RNPC3: variants seen among roughly 807,000 people sequenced by gnomAD.
RNPC3 encodes RNA-binding region-containing protein 3.
RNPC3 carries 48 observed loss-of-function variants against 67.5 expected under a neutral mutation model. The observed-to-expected ratio is 0.71, with a 90% CI of 0.56 to 0.90. The LOEUF (loss-of-function observed/expected upper bound fraction) is 0.90, where lower values mean the gene tolerates loss of function less well. Among genes scored for constraint, RNPC3 ranks in the 40% least tolerant of loss-of-function variants. RNPC3 has a pLI of 0.00. For synonymous variants in RNPC3, 239 were observed against 210.3 expected, an observed-to-expected ratio of 1.14 and a Z score of -1.18; for missense variants, 637 against 626.1, an observed-to-expected ratio of 1.02 and a Z score of -0.19.
chr1:103,543,469 C>A lies in RNPC3; in HGVS notation c.1045+22C>A, dbSNP rs1299020058. ...CATGGTAAGGATATTCTAGTTATTT[C>A]ACATGCTGAAATCAACTTATTGTGT... On this transcript the variant is annotated intron_variant, in intron 9 of 14. Transcript: ENST00000423855. 2.8e-6 allele frequency: 4 copies of A among 1,414,558 alleles called. No individual in the cohort carries two copies. The African/African-American group carries it at 5.9e-5, about 21-fold the overall frequency. The allele number at this position is 1,414,558 out of a possible 1,614,324, so 87.6% of individuals were successfully genotyped here.
intron 12 of RNPC3, among the ~76,000 whole-genome samples, chr1:103,549,936 G>A (rs78210641): frequency 0.038 from 5,742 of 152,080 alleles, 157 homozygotes; most frequent in Non-Finnish European, 0.054. Flanking sequence ...GCCGAAGCGG[G>A]GGGGATCACT....
At chr1:103,553,019 A>C (rs1651436676) in intron 14 of RNPC3, among the ~76,000 whole-genome samples, 1 of 152,176 alleles carries the variant, frequency 6.6e-6, no homozygotes, top group Admixed American at 6.5e-5. Context: ...AAGAACACGA[A>C]GTAATTGGTC....
intron 7 of RNPC3, 111 bp from the exon 8 acceptor site, chr1:103,541,239 T>G: frequency 1.3e-6 from 1 of 746,524 alleles, no homozygotes; most frequent in South Asian, 2.4e-5. Flanking sequence ...GTAAATCATT[T>G]TATAATTTAA....
chr1:103,537,244 A>T, intron 6 of RNPC3, 98 bp from the exon 7 acceptor site: 1 of 837,852 alleles, frequency 1.2e-6, no homozygotes, highest in Non-Finnish European at 1.7e-6. Context: ...AAAAAAAAAA[A>T]GACCATGTGA....
intron 6 of RNPC3, 77 bp from the exon 7 acceptor site, chr1:103,537,265 A>G: frequency 1.0e-6 from 1 of 990,746 alleles, no homozygotes; most frequent in East Asian, 2.7e-5. Flanking sequence ...TAGAAATGAG[A>G]ATGAAGTATT....
Position 103,544,928 on chromosome 1 carries a change from A to G in RNPC3, c.1046-13A>G, listed in dbSNP as rs1377761900. The G allele has an allele frequency of 2.7e-6, 4 of 1,501,438 alleles. No individual in the cohort carries two copies. The highest frequency in any genetic ancestry group is 3.6e-6 in the Non-Finnish European group (4 of 1,126,148). The allele number at this position is 1,501,438 out of a possible 1,614,324, so 93.0% of individuals were successfully genotyped here. A position where few individuals can be genotyped will look rare whatever the true frequency, so the allele number is the denominator to read the frequency against. ...GAGATTCTTAATGGTTAATGTTAAT[A>G]TTGAACTCTTAGATTTACCTGCTAC... On this transcript the variant is annotated splice_polypyrimidine_tract_variant and intron_variant, in intron 9 of 14. Transcript: ENST00000423855.
chr1:103,536,984 C>T (rs1465100254), intron 6 of RNPC3, among the ~76,000 whole-genome samples: 2 of 152,122 alleles, frequency 1.3e-5, no homozygotes, highest in Non-Finnish European at 2.9e-5. Context: ...TGAATTGTTT[C>T]GACCATGTGC....
chr1:103,534,763 G>A lies in RNPC3; in HGVS notation c.360-11G>A. 6.8e-7 allele frequency: 1 copy of A among 1,477,852 alleles called. No individual in the cohort carries two copies. Among genetic ancestry groups the A allele is most frequent in the Non-Finnish European group, 9.1e-7 (1 of 1,104,110 alleles). 91.5% of individuals were successfully genotyped at this position (1,477,852 alleles called of 1,614,324 possible). Reference sequence around the variant, plus strand: ...GAAAGATAAGATTAACTTTGATTCTGTATGTCCCAGGTCTGATGACCCTGT... The same window carrying A: ...GAAAGATAAGATTAACTTTGATTCTATATGTCCCAGGTCTGATGACCCTGT... On this transcript the variant is annotated splice_polypyrimidine_tract_variant and intron_variant, in intron 3 of 14. Coordinates refer to ENST00000423855, the MANE Select transcript of RNPC3 (RefSeq NM_017619.4).
chr1:103,554,678 T>C (rs536616737), intron 14 of RNPC3: 81 of 152,700 alleles, frequency 5.3e-4, no homozygotes, highest in African/African-American at 1.9e-3. Flanking sequence ...AACCTAGCCA[T>C]CCAACCTTAT....
intron 14 of RNPC3, chr1:103,553,400 A>T (rs146855196): frequency 6.6e-6 from 1 of 151,946 alleles, no homozygotes; most frequent in African/African-American, 2.4e-5. Flanking sequence ...CCACCTGTTG[A>T]TCCAGGTTAA....
At chr1:103,545,127 A>G in intron 10 of RNPC3, 25 bp downstream of exon 10, 1 of 1,509,410 alleles carries the variant, frequency 6.6e-7, no homozygotes, top group Non-Finnish European at 8.8e-7. Flanking sequence ...TAAACTAAGC[A>G]CATATTCCAT....
At position 103,537,358 on chromosome 1, in the gene RNPC3, C is replaced by T. The variant is rs1651011127; in HGVS notation, c.641C>T (p.Pro214Leu). ...TTTAATTAGTATGAAGACTATATGCCATTGCATGCACCTCTTCCACCCACA... is the reference window on the plus strand; with the variant it reads ...TTTAATTAGTATGAAGACTATATGCTATTGCATGCACCTCTTCCACCCACA... ...ARPPMYEDYM[P>L]LHAPLPPTSP... Residue 214 changes from proline (P) to leucine (L), a missense_variant, in exon 7 of 15, where the codon CCA becomes CTA. Physicochemically the swap from Pro to Leu is moderately conservative, Grantham distance 98 (BLOSUM62 -3). This residue lies in a region of RNPC3 where 536 missense variants were observed against 500.3 expected (regional missense o/e 1.07). Coordinates refer to ENST00000423855, the MANE Select transcript of RNPC3 (RefSeq NM_017619.4). The T allele has an allele frequency of 6.5e-7, 1 of 1,534,778 alleles. No individual in the cohort carries two copies. Among genetic ancestry groups the T allele is most frequent in the Non-Finnish European group, 8.7e-7 (1 of 1,146,058 alleles).
In RNPC3 at chr1:103,547,055, A is replaced by G; in HGVS notation, c.1361+20A>G. On this transcript the variant is annotated intron_variant, in intron 12 of 14. Transcript: ENST00000423855. The stretch of plus-strand genomic sequence containing the variant: ...GATCATGTAAGTGACAGTAAAATAC[A>G]ATCTTCAATTATATTTTGTTTTTAT... 7.3e-7 allele frequency: 1 copy of G among 1,376,726 alleles called. No individual in the cohort carries two copies. Among genetic ancestry groups the G allele is most frequent in the Non-Finnish European group, 9.8e-7 (1 of 1,024,938 alleles). The allele number at this position is 1,376,726 out of a possible 1,614,324, so 85.3% of individuals were successfully genotyped here.
intron 8 of RNPC3, among the ~76,000 whole-genome samples, chr1:103,542,154 TATA>T (rs568526623): frequency 2.0e-5 from 3 of 152,018 alleles, no homozygotes; most frequent in Non-Finnish European, 4.4e-5. Flanking sequence ...CATTAGCAAT[TATA>T]ATACATGACA....
At chr1:103,547,616 G>A (rs1651278793) in intron 12 of RNPC3, among the ~76,000 whole-genome samples, 1 of 152,158 alleles carries the variant, frequency 6.6e-6, no homozygotes, top group African/African-American at 2.4e-5. Flanking sequence ...CATCATCCAG[G>A]AATATGAAGC....
At chr1:103,546,414 CTGTT>C (rs1651246019) in intron 11 of RNPC3, 72 bp downstream of exon 11, 1 of 666,052 alleles carries the variant, frequency 1.5e-6, no homozygotes, top group Non-Finnish European at 2.4e-6. Context: ...GTGTTAAAGT[CTGTT>C]TGAAACTACC....
chr1:103,538,719 T>A lies in RNPC3; in HGVS notation c.767+1235T>A, dbSNP rs918476933. 1.3e-5 allele frequency among the ~76,000 whole-genome samples: 2 copies of A among 152,356 alleles called. 1 individual carries two copies. Among genetic ancestry groups the A allele is most frequent in the Middle Eastern group, 6.8e-3 (2 of 294 alleles). On this transcript the variant is annotated intron_variant, in intron 7 of 14. Coordinates refer to ENST00000423855, the MANE Select transcript of RNPC3 (RefSeq NM_017619.4). The stretch of plus-strand genomic sequence containing the variant: ...ATGTTCATGTTTTGACAGATGCTTA[T>A]TCTTCTGGACTCTACTTACCTCAGA...
chr1:103,536,075 A>T, intron 5 of RNPC3, 51 bp from the exon 6 acceptor site: 1 of 1,320,840 alleles, frequency 7.6e-7, no homozygotes, highest in Non-Finnish European at 1.1e-6. Context: ...AAAATACAAG[A>T]TGTGAGTTGA....
At position 103,525,731 on chromosome 1, in the gene RNPC3, A is replaced by T. The variant is rs1214754555; in HGVS notation, c.-340A>T. On this transcript the variant is annotated 5_prime_UTR_variant, in exon 1 of 15. Transcript: ENST00000423855. ...TGAGTCCTCTTGTCCTTGAGCGTCA[A>T]CCTTCTTTCCCTGAAGTGGCTGGGG... 5.7e-6 allele frequency: 1 copy of T among 174,214 alleles called. No homozygotes were observed. Among genetic ancestry groups the T allele is most frequent in the Non-Finnish European group, 1.2e-5 (1 of 81,778 alleles). The allele number at this position is 174,214 out of a possible 1,614,324, so 10.8% of individuals were successfully genotyped here.
Sources: gnomAD v4.1 joint callset for allele counts (sites outside exome capture counted in the v4.1 genomes callset) on GRCh38, gnomAD v4.1.1 for gene constraint, gnomAD v4.1.1 regional missense constraint, MANE v1.5 for transcripts, NCBI Gene and HGNC (gene_info 2026-07-23, HGNC 2026-07-21) for gene names.